FUT8: variants seen among roughly 807,000 people sequenced by gnomAD.
FUT8 encodes fucosyltransferase 8.
In FUT8, 29 loss-of-function variants were observed where a neutral mutation model predicts 71.3. The ratio of observed to expected loss-of-function variants is 0.41; its 90% CI spans 0.30 to 0.55. The LOEUF (loss-of-function observed/expected upper bound fraction) is 0.55. FUT8 is among the 20% of genes least tolerant of loss of function. The pLI, the probability that FUT8 is intolerant of heterozygous loss-of-function variation, is 0.34. For missense variants in FUT8, 544 were observed against 702.1 expected, an observed-to-expected ratio of 0.77 and a Z score of 2.55; for synonymous variants, 254 against 239.3, an observed-to-expected ratio of 1.06 and a Z score of -0.57.
the FUT8 span, among the ~76,000 whole-genome samples, chr14:65,398,453 G>C: frequency 1.3e-5 from 2 of 152,124 alleles, no homozygotes; most frequent in Admixed American, 1.3e-4. Flanking sequence ...AATTTTTTTA[G>C]GGCCAGGCAT....
chr14:65,721,910 C>A lies in FUT8; in HGVS notation c.971C>A (p.Ala324Glu), dbSNP rs758038599. 1 of 1,614,172 alleles carries A rather than the reference C, an allele frequency of 6.2e-7. No homozygotes were observed. Among genetic ancestry groups the A allele is most frequent in the Admixed American group, 1.7e-5 (1 of 60,026 alleles). ...CTTGTACGAGTGCATGGTGACCCTG[C>A]AGTGTGGTGGGTGTCTCAGTTTGTC... ...DRLVRVHGDP[A>E]VWWVSQFVKY... The change falls in exon 8 of 11, where the codon GCA (alanine) becomes GAA (glutamate). Residue 324 changes from alanine (A) to glutamate (E), a missense_variant. Transcript: ENST00000673929.
At chr14:65,461,916 C>T (rs2065974404) in intron 2 of FUT8, among the ~76,000 whole-genome samples, 1 of 152,046 alleles carries the variant, frequency 6.6e-6, no homozygotes, top group African/African-American at 2.4e-5. Context: ...GGCGAGGAAG[C>T]AATAATGGTG....
At position 65,540,606 on chromosome 14, in the gene FUT8, A is replaced by G. The variant is rs1724522805; in HGVS notation, c.-227-20731A>G. The stretch of plus-strand genomic sequence containing the variant: ...ACCTATCTCCAGACTTCTTTTACAA[A>G]AGAAAAAACCAAATCTCAATATTGC... On this transcript the variant is annotated intron_variant, in intron 2 of 10. Transcript: ENST00000673929. 2.0e-5 allele frequency among the ~76,000 whole-genome samples: 3 copies of G among 152,230 alleles called. No individual in the cohort carries two copies. The South Asian group carries it at 6.2e-4, about 31-fold the overall frequency.
intron 1 of FUT8, among the ~76,000 whole-genome samples, chr14:65,438,296 C>G (rs2065591591): frequency 6.6e-6 from 1 of 151,884 alleles, no homozygotes; most frequent in Non-Finnish European, 1.5e-5. Flanking sequence ...CATATTCATT[C>G]TCTGCTTCTC....
At chr14:65,360,661 A>C in the FUT8 span, among the ~76,000 whole-genome samples, 2 of 152,210 alleles carry the variant, frequency 1.3e-5, no homozygotes. Flanking sequence ...TAACCATGTG[A>C]CCTGGGGCAA....
intron 3 of FUT8, among the ~76,000 whole-genome samples, chr14:65,604,703 A>G (rs1888478897): frequency 6.6e-6 from 1 of 151,946 alleles, no homozygotes; most frequent in Non-Finnish European, 1.5e-5. Context: ...TAGAGAAACA[A>G]GAACAAGAAC....
At chr14:65,460,544 A>G (rs1040367732) in intron 2 of FUT8, among the ~76,000 whole-genome samples, 4 of 152,128 alleles carry the variant, frequency 2.6e-5, no homozygotes, top group Admixed American at 6.5e-5. Context: ...TACTCTGTCT[A>G]TGCTATTGTT....
intron 1 of FUT8, among the ~76,000 whole-genome samples, chr14:65,421,918 C>A (rs2065303450): frequency 6.6e-6 from 1 of 152,054 alleles, no homozygotes; most frequent in Non-Finnish European, 1.5e-5. Context: ...ACGGCTTCTT[C>A]AGTGGTGTAA....
chr14:65,480,727 C>T (rs1407786140), intron 2 of FUT8, among the ~76,000 whole-genome samples: 1 of 151,856 alleles, frequency 6.6e-6, no homozygotes, highest in Non-Finnish European at 1.5e-5. Context: ...GTCTCACTCA[C>T]TCAGGCTGGA....
In FUT8 at chr14:65,553,593, C is replaced by T. The variant is rs139062157; in HGVS notation, c.-227-7744C>T. On this transcript the variant is annotated intron_variant, in intron 2 of 10. Transcript: ENST00000673929. ...AACATTTTTTATAGTACAATTTTGC[C>T]GGCACAGAATATTTTTTAACTTTTT... is the stretch of plus-strand genomic sequence containing the variant. Among the ~76,000 whole-genome samples, 454 of 151,556 alleles carry T rather than the reference C, an allele frequency of 3.0e-3. 2 individuals are homozygous for T. Among genetic ancestry groups the T allele is most frequent in the African/African-American group, 0.01 (414 of 41,304 alleles).
chr14:65,438,290 T>C (rs528803438), intron 1 of FUT8, among the ~76,000 whole-genome samples: 1 of 152,246 alleles, frequency 6.6e-6, no homozygotes, highest in East Asian at 1.9e-4. Context: ...CCCTCACATA[T>C]TCATTCTCTG....
chr14:65,723,625 G>C (rs1442528944), intron 8 of FUT8, among the ~76,000 whole-genome samples: 1 of 152,162 alleles, frequency 6.6e-6, no homozygotes, highest in Non-Finnish European at 1.5e-5. Flanking sequence ...AGTTTATCCA[G>C]GTCTATGTTT....
chr14:65,733,277 G>C lies in FUT8; in HGVS notation c.1306G>C (p.Ala436Pro). 1.2e-6 allele frequency: 2 copies of C among 1,606,208 alleles called. No individual in the cohort carries two copies. The highest frequency in any genetic ancestry group is 1.7e-6 in the Non-Finnish European group (2 of 1,174,682). ...TAGTGATAACTCTATTTCCTGGTCA[G>C]CTGGACTGCACAATCGATACACAGA... The part of the protein sequence containing the change: ...FISDNSISWS[A>P]GLHNRYTENS... Residue 436 changes from alanine (A) to proline (P), a missense_variant, in exon 10 of 11, where the codon GCT (alanine) becomes CCT (proline). Transcript: ENST00000673929.
At chr14:65,372,308 T>C in the FUT8 span, among the ~76,000 whole-genome samples, 1 of 152,186 alleles carries the variant, frequency 6.6e-6, no homozygotes, top group African/African-American at 2.4e-5. Context: ...TTCTAGTAAA[T>C]TTTTAAGAAA....
At chr14:65,367,948 A>G in the FUT8 span, among the ~76,000 whole-genome samples, 2 of 152,072 alleles carry the variant, frequency 1.3e-5, no homozygotes, top group African/African-American at 4.8e-5. Flanking sequence ...AAGTATCTTT[A>G]TAGCAGTGCT....
At chr14:65,716,210 G>C (rs1168853807) in intron 7 of FUT8, among the ~76,000 whole-genome samples, 1 of 152,102 alleles carries the variant, frequency 6.6e-6, no homozygotes, top group Non-Finnish European at 1.5e-5. Context: ...AATTCTGAAA[G>C]TGAGGTGTTG....
intron 2 of FUT8, among the ~76,000 whole-genome samples, chr14:65,519,898 C>T (rs1464064938): frequency 3.9e-5 from 6 of 152,292 alleles, no homozygotes; most frequent in African/African-American, 1.4e-4. Flanking sequence ...CCCACTTCAG[C>T]CTTCCAAGTA....
chr14:65,402,644 T>C, the FUT8 span, among the ~76,000 whole-genome samples: 1 of 148,022 alleles, frequency 6.8e-6, no homozygotes, highest in Admixed American at 6.9e-5. Context: ...CCAGCCTGGG[T>C]GACAGAGTGA....
intron 1 of FUT8, among the ~76,000 whole-genome samples, chr14:65,428,481 TC>T: frequency 6.6e-6 from 1 of 152,244 alleles, no homozygotes; most frequent in East Asian, 1.9e-4. Context: ...ATCTTGCACT[TC>T]CTAGCCTCCA....
Sources: gnomAD v4.1 joint callset for allele counts (sites outside exome capture counted in the v4.1 genomes callset) on GRCh38, gnomAD v4.1.1 for gene constraint, MANE v1.5 for transcripts, NCBI Gene and HGNC (gene_info 2026-07-23, HGNC 2026-07-21) for gene names.